PLXNA4: variants seen among roughly 807,000 people sequenced by gnomAD.
PLXNA4 encodes plexin-A4.
Under a neutral mutation model 191.8 loss-of-function variants are expected in PLXNA4, and 44 were observed. That is an observed-to-expected ratio of 0.23 (90% CI 0.18 to 0.29). PLXNA4 has a LOEUF of 0.29. PLXNA4 is among the 10% of genes least tolerant of loss of function. PLXNA4 has a pLI of 1.00. For missense variants in PLXNA4, 1,800 were observed against 2,488.8 expected (o/e 0.72, Z 5.89); for synonymous variants, 1,082 against 1,009.5 (o/e 1.07, Z -1.36).
In PLXNA4 at chr7:132,320,833, T is replaced by G. The variant is rs144408506; in HGVS notation, c.1372-22611A>C. Reference sequence around the variant, plus strand: ...TGCGCAGACCTACAGAATCAGAAACTCCAGGGCTGAAGCCAGCAATCTGTA... The same window carrying G: ...TGCGCAGACCTACAGAATCAGAAACGCCAGGGCTGAAGCCAGCAATCTGTA... On this transcript the variant is annotated intron_variant, in intron 3 of 31. Transcript: ENST00000321063. Among the ~76,000 whole-genome samples the G allele has an allele frequency of 4.1e-3, 631 of 152,136 alleles. 4 individuals carry two copies. The highest frequency in any genetic ancestry group is 6.8e-3 in the Non-Finnish European group (463 of 68,002).
chr7:132,576,289 C>CTGCG lies in PLXNA4; in HGVS notation c.-87+129_-87+132dup. The CTGCG allele has an allele frequency of 1.6e-6, 1 of 632,688 alleles. No individual in the cohort carries two copies. Among genetic ancestry groups the CTGCG allele is most frequent in the Non-Finnish European group, 2.0e-6 (1 of 509,636 alleles). 39.2% of individuals were successfully genotyped at this position (632,688 alleles called of 1,614,324 possible). A position where few individuals can be genotyped will look rare whatever the true frequency, so the allele number is the denominator to read the frequency against. On this transcript the variant is annotated intron_variant, in intron 1 of 31. Coordinates refer to ENST00000321063, the MANE Select transcript of PLXNA4 (RefSeq NM_020911.2). The surrounding 1 kb of genome is among the most constrained non-coding windows in gnomAD (Gnocchi z 5.8). ...TGCCGGTGTGGATCTGTGTGTGTGC[C>CTGCG]TGCGTGTGTGCGTGTGCGTGTGCCG...
chr7:132,452,152 T>A (rs1007345869), intron 3 of PLXNA4, among the ~76,000 whole-genome samples: 3 of 152,324 alleles, frequency 2.0e-5, no homozygotes, highest in Admixed American at 6.5e-5. Context: ...GATGTTTTCC[T>A]CCCCTGCTTT....
intron 10 of PLXNA4, among the ~76,000 whole-genome samples, chr7:132,205,516 T>TGAGA (rs150848387): frequency 3.3e-5 from 5 of 150,160 alleles, no homozygotes; most frequent in East Asian, 1.9e-4. Context: ...TGTGTGTGTG[T>TGAGA]GAGAGAGAGA....
chr7:132,331,787 A>G (rs1802599320), intron 3 of PLXNA4, among the ~76,000 whole-genome samples: 1 of 152,126 alleles, frequency 6.6e-6, no homozygotes, highest in Non-Finnish European at 1.5e-5. Context: ...GATAGGCAGA[A>G]CCAGTGTGCC....
At chr7:132,446,561 TG>T (rs1472369290) in intron 3 of PLXNA4, among the ~76,000 whole-genome samples, 1 of 152,212 alleles carries the variant, frequency 6.6e-6, no homozygotes, top group Non-Finnish European at 1.5e-5. Context: ...TCTTAGCCTT[TG>T]AACTGCCTCC....
At chr7:132,504,522 C>A (rs1345673407) in intron 2 of PLXNA4, among the ~76,000 whole-genome samples, 2 of 152,186 alleles carry the variant, frequency 1.3e-5, no homozygotes, top group Non-Finnish European at 2.9e-5. Flanking sequence ...AGAGCTGGTA[C>A]AGCCTGGAGC....
At chr7:132,633,241 TGC>T (rs1311027991) in intron 2 of PLXNA4, among the ~76,000 whole-genome samples, 1 of 151,800 alleles carries the variant, frequency 6.6e-6, no homozygotes, top group African/African-American at 2.4e-5. Flanking sequence ...AAACACAATT[TGC>T]TCCAGGTGAT....
intron 4 of PLXNA4, among the ~76,000 whole-genome samples, chr7:132,250,576 G>A (rs1054211527): frequency 1.3e-5 from 2 of 152,132 alleles, no homozygotes; most frequent in Admixed American, 6.5e-5. Flanking sequence ...CAGGAGGCCC[G>A]ACTTCCTGAC....
intron 2 of PLXNA4, among the ~76,000 whole-genome samples, chr7:132,627,475 G>C (rs545871208): frequency 2.8e-4 from 43 of 152,074 alleles, no homozygotes; most frequent in Admixed American, 1.5e-3. Flanking sequence ...GTTTTCCAAG[G>C]TTGTCTTATT....
rs1794740383 is a variant in PLXNA4 at position 132,125,379 on chromosome 7, G to A, written c.*5100C>T. 6.6e-6 allele frequency: 1 copy of A among 152,078 alleles called. No homozygotes were observed. The highest frequency in any genetic ancestry group is 1.5e-5 in the Non-Finnish European group (1 of 68,028). 9.4% of individuals were successfully genotyped at this position (152,078 alleles called of 1,614,324 possible). On this transcript the variant is annotated 3_prime_UTR_variant, in exon 32 of 32. Transcript: ENST00000321063. The stretch of plus-strand genomic sequence containing the variant: ...CATGTGAGATGCCACCCCTAGCATT[G>A]TCCTCATCCAGGGAATGTCCTGACC...
intron 3 of PLXNA4, among the ~76,000 whole-genome samples, chr7:132,300,790 T>A (rs935837942): frequency 3.3e-5 from 5 of 152,230 alleles, no homozygotes; most frequent in Non-Finnish European, 5.9e-5. Context: ...CCCTGGCTGG[T>A]CTCCAGCCCC....
chr7:132,444,207 C>A (rs1795804856), intron 3 of PLXNA4, among the ~76,000 whole-genome samples: 1 of 152,252 alleles, frequency 6.6e-6, no homozygotes, highest in Non-Finnish European at 1.5e-5. Context: ...ACCTTCTCAT[C>A]ATTTTAATGA....
chr7:132,542,070 C>G (rs1264919405), intron 1 of PLXNA4, among the ~76,000 whole-genome samples: 1 of 152,076 alleles, frequency 6.6e-6, no homozygotes, highest in Non-Finnish European at 1.5e-5. Context: ...AGGTAAAATA[C>G]TAGACAAGTT....
At chr7:132,307,354 G>T (rs999507083) in intron 3 of PLXNA4, among the ~76,000 whole-genome samples, 1 of 152,030 alleles carries the variant, frequency 6.6e-6, no homozygotes, top group Non-Finnish European at 1.5e-5. Flanking sequence ...ATTTATGATG[G>T]TTATTGTTTA....
chr7:132,542,863 T>G (rs1049510378), intron 1 of PLXNA4, among the ~76,000 whole-genome samples: 6 of 152,234 alleles, frequency 3.9e-5, no homozygotes, highest in African/African-American at 1.4e-4. Flanking sequence ...TATGTCATTT[T>G]TATAGTTTCT....
intron 21 of PLXNA4, among the ~76,000 whole-genome samples, chr7:132,172,268 T>C (rs942705784): frequency 6.6e-6 from 1 of 152,212 alleles, no homozygotes; most frequent in African/African-American, 2.4e-5. Flanking sequence ...GGTTAGAGTT[T>C]AGGAGCCAAT....
intron 3 of PLXNA4, among the ~76,000 whole-genome samples, chr7:132,408,446 CACTT>C (rs1794312332): frequency 7.9e-6 from 1 of 126,066 alleles, no homozygotes; most frequent in South Asian, 2.4e-4. Flanking sequence ...AACACAAAAA[CACTT>C]TATTTATTTA....
At chr7:132,258,403 C>T (rs778624849) in intron 4 of PLXNA4, among the ~76,000 whole-genome samples, 6 of 152,244 alleles carry the variant, frequency 3.9e-5, no homozygotes, top group Non-Finnish European at 7.3e-5. Context: ...CTCTCTCTCA[C>T]TCATACTTCA....
At chr7:132,261,421 G>A (rs918105974) in intron 4 of PLXNA4, among the ~76,000 whole-genome samples, 2 of 152,206 alleles carry the variant, frequency 1.3e-5, no homozygotes, top group Non-Finnish European at 2.9e-5. Context: ...AGTGCCAGAA[G>A]CACCAGCGCA....
Sources: allele counts gnomAD v4.1 joint callset (sites outside exome capture counted in the v4.1 genomes callset), GRCh38; gene constraint gnomAD v4.1.1; non-coding constraint Gnocchi (gnomAD v3.1); transcripts MANE v1.5; gene names NCBI Gene and HGNC (gene_info 2026-07-23, HGNC 2026-07-21).